The following MMP26 variants were observed in gnomAD, a reference collection of about 807,000 sequenced individuals.
MMP26 encodes matrix metallopeptidase 26, also known as matrix metalloproteinase-26.
A neutral mutation model predicts 31.0 loss-of-function variants in MMP26; 33 were observed. The ratio of observed to expected loss-of-function variants is 1.06; its 90% CI spans 0.81 to 1.42. The LOEUF is 1.42. Among genes scored for constraint, MMP26 ranks in the 40% most tolerant of loss-of-function variants. The pLI, the probability that MMP26 is intolerant of heterozygous loss-of-function variation, is 0.00. For missense variants in MMP26, 347 were observed against 316.1 expected (o/e 1.10, Z -0.74); for synonymous variants, 122 against 114.9 (o/e 1.06, Z -0.40).
At chr11:4,931,487 G>A (rs947969452) in intron 2 of MMP26, among the ~76,000 whole-genome samples, 1 of 151,884 alleles carries the variant, frequency 6.6e-6, no homozygotes, top group East Asian at 1.9e-4. Flanking sequence ...ATGCATTCAA[G>A]TTAAATGACC....
intron 2 of MMP26, among the ~76,000 whole-genome samples, chr11:4,886,611 G>C (rs1850548962): frequency 6.6e-6 from 1 of 150,854 alleles, no homozygotes; most frequent in Non-Finnish European, 1.5e-5. Flanking sequence ...ATATATCTTT[G>C]GTTCCACCCT....
At chr11:4,730,414 G>GAT (rs1260682652) in intron 1 of MMP26, among the ~76,000 whole-genome samples, 1 of 151,968 alleles carries the variant, frequency 6.6e-6, no homozygotes, top group East Asian at 1.9e-4. Context: ...AAGAGAGAGA[G>GAT]AGAGAGAGAG....
chr11:4,731,810 T>C (rs571392986), intron 1 of MMP26, among the ~76,000 whole-genome samples: 1 of 152,324 alleles, frequency 6.6e-6, no homozygotes, highest in Non-Finnish European at 1.5e-5. Context: ...ATTTAATATT[T>C]TGTGTTCATG....
At chr11:4,820,829 T>G (rs926718493) in intron 2 of MMP26, among the ~76,000 whole-genome samples, 1 of 152,194 alleles carries the variant, frequency 6.6e-6, no homozygotes, top group Admixed American at 6.5e-5. Flanking sequence ...AATTATATAA[T>G]GCATATAAAA....
At chr11:4,814,565 C>T (rs1041472130) in intron 2 of MMP26, among the ~76,000 whole-genome samples, 3 of 152,160 alleles carry the variant, frequency 2.0e-5, no homozygotes, top group South Asian at 2.1e-4. Context: ...AAAATCGTTT[C>T]GGTCTACACA....
At position 4,851,899 on chromosome 11, in the gene MMP26, C is replaced by T. The variant is rs190475282; in HGVS notation, c.-145+84558C>T. Among the ~76,000 whole-genome samples the T allele has an allele frequency of 9.2e-5, 14 of 151,988 alleles. No individual in the cohort carries two copies. In the East Asian group the frequency reaches 2.1e-3, roughly 23 times the overall value. On this transcript the variant is annotated intron_variant, in intron 2 of 7. Transcript: ENST00000380390. ...AAAAGCAGTGGAACAAAAAAAGACA[C>T]AAGACTAACAGAAAACAAATAGCAA...
chr11:4,709,532 G>C, intron 1 of MMP26: 4 of 401,764 alleles, frequency 1.0e-5, no homozygotes, highest in South Asian at 5.6e-5. Flanking sequence ...ACAGGACATA[G>C]TTCTTTTCCT....
intron 2 of MMP26, chr11:4,848,590 G>C: frequency 6.2e-7 from 1 of 1,606,156 alleles, no homozygotes; most frequent in South Asian, 1.1e-5. Flanking sequence ...ACCACAAATA[G>C]GCTGTAGGCT....
At chr11:4,988,769 G>A (rs958621492) in intron 3 of MMP26, among the ~76,000 whole-genome samples, 1 of 152,118 alleles carries the variant, frequency 6.6e-6, no homozygotes, top group African/African-American at 2.4e-5. Flanking sequence ...AAACTTTTAA[G>A]CATCCAAAAT....
In MMP26 at chr11:4,991,815, T is replaced by C. The variant is rs1219362653; in HGVS notation, c.596-149T>C. ...CCATTCTGTTTTCTACTTACTTTCT[T>C]TCCCTCCTTGCCTACCTTTTCCTTT... On this transcript the variant is annotated intron_variant, in intron 6 of 7. Coordinates refer to ENST00000380390, the MANE Select transcript of MMP26 (RefSeq NM_021801.5). 3 of 738,620 alleles carry C rather than the reference T, an allele frequency of 4.1e-6. No homozygotes were observed. The Admixed American group carries it at 1.0e-4, about 25-fold the overall frequency. 45.8% of individuals were successfully genotyped at this position (738,620 alleles called of 1,614,324 possible).
At chr11:4,849,953 C>A (rs928588133) in intron 2 of MMP26, among the ~76,000 whole-genome samples, 2 of 152,058 alleles carry the variant, frequency 1.3e-5, no homozygotes, top group Non-Finnish European at 2.9e-5. Flanking sequence ...TTTAGGACAT[C>A]CATCGCCTTG....
chr11:4,706,681 C>G (rs909613487), intron 1 of MMP26, among the ~76,000 whole-genome samples: 2 of 150,656 alleles, frequency 1.3e-5, no homozygotes, highest in Non-Finnish European at 1.5e-5. Flanking sequence ...GTATTGTTAA[C>G]TATAAGTAAA....
chr11:4,709,574 A>T (rs879213745), intron 1 of MMP26: 2 of 443,964 alleles, frequency 4.5e-6, no homozygotes, highest in South Asian at 3.2e-5. Flanking sequence ...TCATCATGCC[A>T]TCCTTCAACC....
intron 2 of MMP26, among the ~76,000 whole-genome samples, chr11:4,843,098 A>G (rs1210581789): frequency 6.6e-6 from 1 of 152,212 alleles, no homozygotes; most frequent in Non-Finnish European, 1.5e-5. Flanking sequence ...CCCTGTGGCT[A>G]TTCAGGATAC....
At chr11:4,812,457 G>A (rs910200251) in intron 2 of MMP26, among the ~76,000 whole-genome samples, 5 of 152,108 alleles carry the variant, frequency 3.3e-5, no homozygotes, top group Non-Finnish European at 5.9e-5. Flanking sequence ...CGCGTGGCCT[G>A]TACTTTTTCT....
intron 2 of MMP26, chr11:4,803,888 T>C (rs777791490): frequency 1.9e-6 from 3 of 1,612,180 alleles, no homozygotes; most frequent in Admixed American, 1.7e-5. Flanking sequence ...CTAGACACCA[T>C]GAAGCAGAAG....
At chr11:4,853,191 C>G (rs936607475) in intron 2 of MMP26, among the ~76,000 whole-genome samples, 4 of 152,048 alleles carry the variant, frequency 2.6e-5, no homozygotes, top group Non-Finnish European at 5.9e-5. Context: ...CAAAGGGCAC[C>G]TCTTAGGTAT....
chr11:4,722,029 G>A (rs903270693), intron 1 of MMP26, among the ~76,000 whole-genome samples: 3 of 152,146 alleles, frequency 2.0e-5, no homozygotes, highest in East Asian at 1.9e-4. Flanking sequence ...TGCTCCAACC[G>A]TGTGAAGTGC....
chr11:4,837,029 T>C (rs919068807), intron 2 of MMP26, among the ~76,000 whole-genome samples: 2 of 152,094 alleles, frequency 1.3e-5, no homozygotes, highest in Admixed American at 1.3e-4. Flanking sequence ...TAAATAATAC[T>C]ACCTGTATTT....
Sources: gnomAD v4.1 joint callset for allele counts (sites outside exome capture counted in the v4.1 genomes callset) on GRCh38, gnomAD v4.1.1 for gene constraint, MANE v1.5 for transcripts, NCBI Gene and HGNC (gene_info 2026-07-23, HGNC 2026-07-21) for gene names.